Variants in ZFHX3 observed in about 807,000 individuals in gnomAD.
ZFHX3 encodes zinc finger homeobox 3.
Under a neutral mutation model 279.1 loss-of-function variants are expected in ZFHX3, and 42 were observed. The observed-to-expected ratio is 0.15, with a 90% CI of 0.12 to 0.19. The LOEUF (loss-of-function observed/expected upper bound fraction) is 0.19, where lower values mean the gene tolerates loss of function less well. Ranked by LOEUF, ZFHX3 falls within the 10% of genes least tolerant of loss-of-function variation. ZFHX3 has a pLI of 1.00. For missense variants in ZFHX3, 4,981 were observed against 4,754.0 expected, an observed-to-expected ratio of 1.05 and a Z score of -1.40; for synonymous variants, 2,293 against 1,957.8, an observed-to-expected ratio of 1.17 and a Z score of -4.52.
intron 1 of ZFHX3, among the ~76,000 whole-genome samples, chr16:73,713,616 A>G (rs996491357): frequency 8.6e-5 from 13 of 151,688 alleles, no homozygotes; most frequent in African/African-American, 3.2e-4. Flanking sequence ...CCAGGCACAG[A>G]AAAGATATTA....
In ZFHX3 at chr16:72,811,951, A is replaced by C; in HGVS notation, c.3617T>G (p.Leu1206Arg). The change falls in exon 6 of 10, where the codon CTC becomes CGC. Residue 1206 changes from leucine (L) to arginine (R), a missense_variant. This residue lies in a region of ZFHX3 where 1,751 missense variants were observed against 1,770.0 expected (regional missense o/e 0.99). Coordinates refer to ENST00000268489, the MANE Select transcript of ZFHX3 (RefSeq NM_006885.4). ...AGCTGTTTTTGGTCGCTTCGAAGAG[A>C]GGGGAGACTCTGAGCTACCTGGGAA... ...ISFPGSSESP[L>R]SSKRPKTAEE... 1 of 1,613,880 alleles carries C rather than the reference A, an allele frequency of 6.2e-7. No homozygotes were observed. Among genetic ancestry groups the C allele is most frequent in the Non-Finnish European group, 8.5e-7 (1 of 1,179,986 alleles).
intron 4 of ZFHX3, among the ~76,000 whole-genome samples, chr16:73,300,790 C>A (rs2015038455): frequency 1.3e-5 from 2 of 152,324 alleles, no homozygotes; most frequent in East Asian, 3.9e-4. Context: ...AGGCATGAGC[C>A]ACCATGCCCA....
rs755308796 is a variant in ZFHX3 at position 73,296,877 on chromosome 16, A to ATGTTTTTT, written c.-1194+21362_-1194+21363insAAAAAACA. Among the ~76,000 whole-genome samples, 73 of 116,080 alleles carry ATGTTTTTT rather than the reference A, an allele frequency of 6.3e-4. 5 individuals are homozygous for ATGTTTTTT. Among genetic ancestry groups the ATGTTTTTT allele is most frequent in the African/African-American group, 1.9e-3 (54 of 28,736 alleles). The allele number at this position is 116,080 out of a possible 152,430, so 76.2% of individuals were successfully genotyped here. On this transcript the variant is annotated intron_variant, in intron 4 of 17. Coordinates refer to the ZFHX3 transcript ENST00000641206. ...TTTATAATTGCCATGTGAAGCAGGA[A>ATGTTTTTT]TTTTTTTTTTTTTTTTTTTGAGACG...
chr16:73,129,176 G>T (rs1008854924), intron 7 of ZFHX3, among the ~76,000 whole-genome samples: 1 of 152,010 alleles, frequency 6.6e-6, no homozygotes, highest in East Asian at 1.9e-4. Context: ...ACTTGAGGTC[G>T]GGAGTTTCTA....
exon 1 of ZFHX3, chr16:73,058,723 C>CGGCGGAGCT (rs1304815196): frequency 6.3e-6 from 1 of 158,934 alleles, no homozygotes; most frequent in Non-Finnish European, 1.2e-5. Context: ...GCGGCGGCGG[C>CGGCGGAGCT]GGCGGAGCTG....
At chr16:73,086,105 C>G (rs942355915) in intron 8 of ZFHX3, among the ~76,000 whole-genome samples, 1 of 151,622 alleles carries the variant, frequency 6.6e-6, no homozygotes, top group African/African-American at 2.4e-5. Context: ...TTTAAAATGC[C>G]ATTTAAAAAT....
At chr16:73,271,402 T>C (rs1338331735) in intron 4 of ZFHX3, among the ~76,000 whole-genome samples, 1 of 152,182 alleles carries the variant, frequency 6.6e-6, no homozygotes, top group Non-Finnish European at 1.5e-5. Context: ...CAGTGGCTTT[T>C]CCCGAGCCAC....
At chr16:73,193,578 C>G (rs988101252) in intron 5 of ZFHX3, among the ~76,000 whole-genome samples, 5 of 152,174 alleles carry the variant, frequency 3.3e-5, no homozygotes, top group African/African-American at 1.2e-4. Flanking sequence ...TATTATCTGA[C>G]TCACTTTGTA....
chr16:72,945,198 C>T (rs916587656), intron 3 of ZFHX3, among the ~76,000 whole-genome samples: 5 of 152,158 alleles, frequency 3.3e-5, no homozygotes, highest in African/African-American at 1.2e-4. Context: ...GAACAAGGGA[C>T]CTCCCAGCAA....
At chr16:73,250,998 C>G (rs2013470073) in intron 5 of ZFHX3, among the ~76,000 whole-genome samples, 1 of 152,082 alleles carries the variant, frequency 6.6e-6, no homozygotes, top group Non-Finnish European at 1.5e-5. Flanking sequence ...GTCATGTGTA[C>G]CATTATTTGT....
At chr16:72,801,635 GTGT>G (rs2143499084) in intron 7 of ZFHX3, among the ~76,000 whole-genome samples, 1 of 152,330 alleles carries the variant, frequency 6.6e-6, no homozygotes, top group African/African-American at 2.4e-5. Flanking sequence ...AAGAGCAGGT[GTGT>G]GGCAGGTGAA....
chr16:73,780,738 G>A (rs1324840457), intron 1 of ZFHX3, among the ~76,000 whole-genome samples: 1 of 152,292 alleles, frequency 6.6e-6, no homozygotes, highest in South Asian at 2.1e-4. Context: ...CACTGTGCCT[G>A]GCCTCATTGC....
intron 1 of ZFHX3, among the ~76,000 whole-genome samples, chr16:72,962,976 C>T (rs1438228373): frequency 5.3e-5 from 8 of 152,108 alleles, no homozygotes; most frequent in African/African-American, 7.2e-5. Flanking sequence ...CCGCAACAGC[C>T]GGCTCTCTCT....
intron 2 of ZFHX3, among the ~76,000 whole-genome samples, chr16:73,605,789 A>G (rs1279865859): frequency 6.6e-6 from 1 of 152,162 alleles, no homozygotes; most frequent in Non-Finnish European, 1.5e-5. Flanking sequence ...GTCTAGGCCA[A>G]GAGGTAAAGT....
At chr16:73,856,626 T>C (rs759682607) in intron 1 of ZFHX3, among the ~76,000 whole-genome samples, 4 of 152,246 alleles carry the variant, frequency 2.6e-5, no homozygotes, top group Non-Finnish European at 4.4e-5. Context: ...CAAATGCCTG[T>C]AGCATCTGTG....
chr16:73,283,815 G>C, intron 4 of ZFHX3, among the ~76,000 whole-genome samples: 1 of 152,042 alleles, frequency 6.6e-6, no homozygotes, highest in East Asian at 1.9e-4. Context: ...CAGGCCTGGT[G>C]GTGCATGGTT....
chr16:73,011,304 T>A (rs1019416400), intron 1 of ZFHX3, among the ~76,000 whole-genome samples: 6 of 151,926 alleles, frequency 3.9e-5, no homozygotes, highest in South Asian at 4.2e-4. Context: ...TTTTTTTTTT[T>A]AATTTTTTGT....
At chr16:73,183,167 T>C (rs886065165) in intron 5 of ZFHX3, among the ~76,000 whole-genome samples, 6 of 152,164 alleles carry the variant, frequency 3.9e-5, no homozygotes, top group Non-Finnish European at 7.3e-5. Flanking sequence ...ATCGTGCCAC[T>C]GCACTCCAGC....
intron 2 of ZFHX3, among the ~76,000 whole-genome samples, chr16:73,523,836 T>C (rs2019648078): frequency 6.6e-6 from 1 of 152,030 alleles, no homozygotes; most frequent in South Asian, 2.1e-4. Context: ...ACATCCACCA[T>C]TGAAAATATA....
Sources: gnomAD v4.1 joint callset for allele counts (sites outside exome capture counted in the v4.1 genomes callset) on GRCh38, gnomAD v4.1.1 for gene constraint, gnomAD v4.1.1 regional missense constraint, MANE v1.5 for transcripts, NCBI Gene and HGNC (gene_info 2026-07-23, HGNC 2026-07-21) for gene names.